Variants in GABRB3 observed in about 807,000 individuals in gnomAD.
GABRB3 encodes the protein gamma-aminobutyric acid receptor subunit beta-3.
In GABRB3, 14 loss-of-function variants were observed where a neutral mutation model predicts 52.1. The ratio of observed to expected loss-of-function variants is 0.27; its 90% confidence interval spans 0.18 to 0.42. GABRB3 has a LOEUF of 0.42. Ranked by LOEUF, GABRB3 falls within the 10% of genes least tolerant of loss-of-function variation. The pLI is 1.00. For missense variants in GABRB3, 307 were observed against 609.1 expected (o/e 0.50, Z 5.22); for synonymous variants, 260 against 232.3 (o/e 1.12, Z -1.08).
intron 3 of GABRB3, among the ~76,000 whole-genome samples, chr15:26,758,563 G>T (rs1890724935): frequency 6.6e-6 from 1 of 152,152 alleles, no homozygotes; most frequent in Non-Finnish European, 1.5e-5. Flanking sequence ...AGGCAGCTGA[G>T]AACCAGTGCA....
chr15:26,766,514 C>A (rs913434207), intron 3 of GABRB3, among the ~76,000 whole-genome samples: 1 of 152,166 alleles, frequency 6.6e-6, no homozygotes, highest in Non-Finnish European at 1.5e-5. Flanking sequence ...AACATCTACT[C>A]CATTCTTCAT....
At chr15:26,658,003 G>C (rs1350680120) in intron 3 of GABRB3, among the ~76,000 whole-genome samples, 3 of 152,296 alleles carry the variant, frequency 2.0e-5, no homozygotes, top group African/African-American at 7.2e-5. Flanking sequence ...GCAGCCAGAG[G>C]CCACAAGGTT....
intron 3 of GABRB3, among the ~76,000 whole-genome samples, chr15:26,746,087 C>A (rs976215683): frequency 1.3e-5 from 2 of 152,164 alleles, no homozygotes; most frequent in African/African-American, 2.4e-5. Flanking sequence ...AGTGATCAAT[C>A]CAGCTTCTCT....
At chr15:26,567,555 A>C in intron 7 of GABRB3, 26 bp downstream of exon 7, 1 of 1,609,342 alleles carries the variant, frequency 6.2e-7, no homozygotes, top group Non-Finnish European at 8.5e-7. Flanking sequence ...CTTTACATTT[A>C]AATATCACTT....
At chr15:26,551,750 T>C (rs73366445) in intron 8 of GABRB3, among the ~76,000 whole-genome samples, 14,861 of 152,124 alleles carry the variant, frequency 0.098, 2,479 homozygotes, top group African/African-American at 0.34. Context: ...GGTTTAGAAG[T>C]TGTCAGATAG....
At chr15:26,691,810 A>G (rs116348002) in intron 3 of GABRB3, among the ~76,000 whole-genome samples, 3,648 of 152,318 alleles carry the variant, frequency 0.024, 140 homozygotes, top group African/African-American at 0.083. Flanking sequence ...CCTTGCTAGT[A>G]ACTCAATAAT....
chr15:26,628,854 A>C, intron 3 of GABRB3: 4 of 1,022,324 alleles, frequency 3.9e-6, no homozygotes, highest in Non-Finnish European at 5.8e-6. Context: ...GAGGCCTGAA[A>C]CGGCAGTCCT....
At chr15:26,757,186 T>C (rs1890686407) in intron 3 of GABRB3, among the ~76,000 whole-genome samples, 1 of 152,144 alleles carries the variant, frequency 6.6e-6, no homozygotes, top group African/African-American at 2.4e-5. Flanking sequence ...GCTATTCGTA[T>C]CCCACCGTGG....
chr15:26,614,010 G>A (rs1320062796), intron 4 of GABRB3: 1 of 152,530 alleles, frequency 6.6e-6, no homozygotes, highest in Non-Finnish European at 1.5e-5. Flanking sequence ...GAAGGAAAGT[G>A]TGTGTACTGG....
intron 3 of GABRB3, among the ~76,000 whole-genome samples, chr15:26,753,379 AG>A (rs1890570771): frequency 6.6e-6 from 1 of 152,230 alleles, no homozygotes; most frequent in African/African-American, 2.4e-5. Context: ...ACTGCAGTTG[AG>A]GGCTCCACGC....
At chr15:26,552,956 G>C (rs1889535365) in intron 8 of GABRB3, among the ~76,000 whole-genome samples, 1 of 152,162 alleles carries the variant, frequency 6.6e-6, no homozygotes, top group South Asian at 2.1e-4. Context: ...TGAATCATGA[G>C]AGAAAGCATA....
rs189632854 is a variant in GABRB3 at position 26,663,010 on chromosome 15, T to C, written c.241-41476A>G. ...AATATCAAAAACTAGGAAATAGACA[T>C]TGGTACATTCCACAGATCACATTCA... On this transcript the variant is annotated intron_variant, in intron 3 of 8. Transcript: ENST00000311550. Among the ~76,000 whole-genome samples, 248 of 152,270 alleles carry C rather than the reference T, an allele frequency of 1.6e-3. 4 individuals are homozygous for C. The highest frequency in any genetic ancestry group is 5.8e-3 in the African/African-American group (240 of 41,562).
chr15:26,554,127 GTATA>G (rs1177122496), intron 8 of GABRB3, among the ~76,000 whole-genome samples: 2 of 22,580 alleles, frequency 8.9e-5, no homozygotes, highest in African/African-American at 2.2e-4. Context: ...AAGTGTGTGT[GTATA>G]TATATATATA....
intron 3 of GABRB3, among the ~76,000 whole-genome samples, chr15:26,730,525 G>A (rs1889884526): frequency 6.6e-6 from 1 of 152,124 alleles, no homozygotes; most frequent in South Asian, 2.1e-4. Context: ...TCCCATTGTG[G>A]AGAGAAAGAA....
chr15:26,632,500 T>C (rs1303236957), intron 3 of GABRB3, among the ~76,000 whole-genome samples: 2 of 152,246 alleles, frequency 1.3e-5, no homozygotes, highest in African/African-American at 4.8e-5. Context: ...GATACTTTTC[T>C]GGAGTCGAGT....
At chr15:26,595,377 T>C (rs1181291096) in intron 4 of GABRB3, among the ~76,000 whole-genome samples, 1 of 152,186 alleles carries the variant, frequency 6.6e-6, no homozygotes, top group African/African-American at 2.4e-5. Flanking sequence ...GGCTGCTGCC[T>C]GCTCAAAACC....
rs368722965 is a variant in GABRB3, at chr15:26,726,661, T to C, written c.240+45741A>G. On this transcript the variant is annotated intron_variant, in intron 3 of 8. Coordinates refer to ENST00000311550, the MANE Select transcript of GABRB3 (RefSeq NM_000814.6). ...ATTTTTGGCAAATATGTCATAGAGG[T>C]GATGCTGTGCCCTTCTTGGTGATCA... Among the ~76,000 whole-genome samples, 9 of 152,240 alleles carry C rather than the reference T, an allele frequency of 5.9e-5. No homozygotes were observed. The East Asian group carries it at 1.5e-3, about 26-fold the overall frequency.
At chr15:26,673,096 G>A (rs1257435180) in intron 3 of GABRB3, among the ~76,000 whole-genome samples, 1 of 152,136 alleles carries the variant, frequency 6.6e-6, no homozygotes, top group Admixed American at 6.5e-5. Flanking sequence ...CACTCTTTCT[G>A]GGACTAAATT....
chr15:26,711,061 T>G lies in GABRB3; in HGVS notation c.240+61341A>C, dbSNP rs551838275. Among the ~76,000 whole-genome samples the G allele has an allele frequency of 1.3e-3, 203 of 152,312 alleles. 3 individuals carry two copies. The highest frequency in any genetic ancestry group is 4.7e-3 in the African/African-American group (195 of 41,576). ...AATTTTTTGGTGTTTTCTATCAAGT[T>G]CAACACCATCTATTCCAAAACAAAT... On this transcript the variant is annotated intron_variant, in intron 3 of 8. Coordinates refer to ENST00000311550, the MANE Select transcript of GABRB3 (RefSeq NM_000814.6).
Sources: allele counts gnomAD v4.1 joint callset (sites outside exome capture counted in the v4.1 genomes callset), GRCh38; gene constraint gnomAD v4.1.1; transcripts MANE v1.5; gene names NCBI Gene and HGNC (gene_info 2026-07-23, HGNC 2026-07-21).